TENM3: variants seen among roughly 807,000 people sequenced by gnomAD.
TENM3 encodes the protein teneurin-3.
Under a neutral mutation model 255.1 loss-of-function variants are expected in TENM3, and 63 were observed. That is an observed-to-expected ratio of 0.25 (90% CI 0.20 to 0.30). The LOEUF (loss-of-function observed/expected upper bound fraction) is 0.30. TENM3 is among the 10% of genes least tolerant of loss of function. The pLI is 1.00. For missense variants in TENM3, 2,929 were observed against 3,461.1 expected (o/e 0.85, Z 3.86); for synonymous variants, 1,306 against 1,322.3 (o/e 0.99, Z 0.27).
chr4:182,716,704 G>A (rs1017349840), intron 13 of TENM3, among the ~76,000 whole-genome samples: 2 of 152,192 alleles, frequency 1.3e-5, no homozygotes, highest in Non-Finnish European at 2.9e-5. Flanking sequence ...AATGAAGGAT[G>A]TCAATTATAT....
At chr4:182,399,036 T>C (rs547775766) in intron 3 of TENM3, among the ~76,000 whole-genome samples, 1 of 152,320 alleles carries the variant, frequency 6.6e-6, no homozygotes, top group South Asian at 2.1e-4. Flanking sequence ...TGGATAAGTC[T>C]GGGCTCTGTC....
chr4:181,518,614 A>G, the TENM3 span, among the ~76,000 whole-genome samples: 1 of 152,046 alleles, frequency 6.6e-6, no homozygotes, highest in Non-Finnish European at 1.5e-5. Flanking sequence ...TTTTTAGTAG[A>G]GACAGAGTTT....
In TENM3 at chr4:182,396,893, G is replaced by A. The variant is rs140198071; in HGVS notation, c.511+49964G>A. 7.9e-5 allele frequency among the ~76,000 whole-genome samples: 12 copies of A among 151,766 alleles called. No homozygotes were observed. The East Asian group carries it at 2.4e-3, about 30-fold the overall frequency. On this transcript the variant is annotated intron_variant, in intron 3 of 27. Coordinates refer to ENST00000511685, the MANE Select transcript of TENM3 (RefSeq NM_001080477.4). ...AGGAGAATTGCTTGTACGCGAGAGT[G>A]GGAGGTTGCAGTGAGCTGAAATCGC... is the stretch of plus-strand genomic sequence containing the variant.
At chr4:181,856,242 A>G in the TENM3 span, among the ~76,000 whole-genome samples, 1 of 151,892 alleles carries the variant, frequency 6.6e-6, no homozygotes, top group Non-Finnish European at 1.5e-5. Flanking sequence ...CCCTACCTCA[A>G]TGTTCTCCTT....
intron 3 of TENM3, among the ~76,000 whole-genome samples, chr4:182,542,687 G>A (rs920010626): frequency 1.3e-5 from 2 of 152,104 alleles, no homozygotes; most frequent in Non-Finnish European, 2.9e-5. Context: ...TCATGATGAA[G>A]CTCGAGGTCA....
At chr4:182,614,532 A>G (rs1286877959) in intron 4 of TENM3, among the ~76,000 whole-genome samples, 1 of 152,170 alleles carries the variant, frequency 6.6e-6, no homozygotes, top group Admixed American at 6.5e-5. Flanking sequence ...GTGTCTTTTT[A>G]ATCAAGCCTT....
intron 1 of TENM3, among the ~76,000 whole-genome samples, chr4:182,268,467 G>GA (rs1759389484): frequency 6.6e-6 from 1 of 152,098 alleles, no homozygotes; most frequent in African/African-American, 2.4e-5. Context: ...AGGGAGGGGG[G>GA]AAATGTGTCA....
the TENM3 span, among the ~76,000 whole-genome samples, chr4:181,570,451 T>C: frequency 6.6e-6 from 1 of 151,038 alleles, no homozygotes; most frequent in African/African-American, 2.4e-5. Flanking sequence ...CAATGAACCA[T>C]GATCACACCA....
chr4:182,517,750 GT>G (rs1314017759), intron 3 of TENM3, among the ~76,000 whole-genome samples: 5 of 152,164 alleles, frequency 3.3e-5, no homozygotes, highest in African/African-American at 1.2e-4. Flanking sequence ...AGAGATTGAA[GT>G]TTAGCCAATT....
intron 3 of TENM3, among the ~76,000 whole-genome samples, chr4:182,573,840 T>G (rs533806415): frequency 2.0e-5 from 3 of 152,290 alleles, no homozygotes; most frequent in African/African-American, 7.2e-5. Context: ...AGATTCATAT[T>G]TCACACATCA....
the TENM3 span, among the ~76,000 whole-genome samples, chr4:181,644,711 T>C: frequency 6.6e-6 from 1 of 151,798 alleles, no homozygotes; most frequent in Non-Finnish European, 1.5e-5. Flanking sequence ...TTCTGTTTTT[T>C]CTCTTTTATG....
the TENM3 span, among the ~76,000 whole-genome samples, chr4:181,593,906 G>A: frequency 2.0e-5 from 3 of 151,902 alleles, no homozygotes; most frequent in African/African-American, 4.8e-5. Context: ...TGCTGAATAA[G>A]CGTTAATTAT....
chr4:181,471,496 A>G, the TENM3 span, among the ~76,000 whole-genome samples: 3 of 152,172 alleles, frequency 2.0e-5, no homozygotes, highest in Admixed American at 6.5e-5. Flanking sequence ...TGGGTATTTA[A>G]ATGCAGGCAT....
rs1435203810 is a variant in TENM3 at position 182,793,591 on chromosome 4, A to G, written c.6919A>G (p.Ser2307Gly). The change falls in exon 26 of 28, where the codon AGT becomes GGT. Residue 2307 changes from serine to glycine, a missense_variant. By Grantham distance (56) the Ser-to-Gly change is moderately conservative (BLOSUM62 0). Coordinates refer to ENST00000511685, the MANE Select transcript of TENM3 (RefSeq NM_001080477.4). This position sits in a 1 kb window ranked among gnomAD's most constrained non-coding sequence, Gnocchi z 5.7. ...DNTGTPLAVF[S>G]SNGLMLKQIQ... ...CACAGGGACACCACTGGCTGTGTTCAGTAGCAATGGGCTTATGCTGAAACA... is the reference window on the plus strand; with the variant it reads ...CACAGGGACACCACTGGCTGTGTTCGGTAGCAATGGGCTTATGCTGAAACA... 6 of 1,613,866 alleles carry G rather than the reference A, an allele frequency of 3.7e-6. No individual in the cohort carries two copies. Among genetic ancestry groups the G allele is most frequent in the Non-Finnish European group, 5.1e-6 (6 of 1,179,860 alleles).
intron 1 of TENM3, among the ~76,000 whole-genome samples, chr4:182,235,642 C>G (rs1205442173): frequency 4.6e-5 from 7 of 152,198 alleles, no homozygotes; most frequent in African/African-American, 1.7e-4. Context: ...CTCTCACAAG[C>G]TGGAACTACT....
At chr4:182,587,032 T>C (rs1746090027) in intron 3 of TENM3, among the ~76,000 whole-genome samples, 1 of 152,202 alleles carries the variant, frequency 6.6e-6, no homozygotes, top group Non-Finnish European at 1.5e-5. Flanking sequence ...TTGCTAAAAA[T>C]AATTTTTAAA....
chr4:182,376,170 T>C (rs1489447701), intron 3 of TENM3, among the ~76,000 whole-genome samples: 2 of 152,228 alleles, frequency 1.3e-5, no homozygotes, highest in East Asian at 3.9e-4. Context: ...CGCTGTCATT[T>C]GGCACGCTTT....
At chr4:181,723,201 G>A in the TENM3 span, among the ~76,000 whole-genome samples, 1 of 151,586 alleles carries the variant, frequency 6.6e-6, no homozygotes, top group East Asian at 1.9e-4. Context: ...GTACAATGAT[G>A]TTGGGTATGC....
the TENM3 span, among the ~76,000 whole-genome samples, chr4:181,837,150 CTA>C: frequency 1.3e-5 from 2 of 151,938 alleles, no homozygotes; most frequent in Non-Finnish European, 2.9e-5. Context: ...GACATGTAGA[CTA>C]TCATATCATT....
Sources: gnomAD v4.1 joint callset for allele counts (sites outside exome capture counted in the v4.1 genomes callset) on GRCh38, gnomAD v4.1.1 for gene constraint, Gnocchi (gnomAD v3.1) non-coding constraint, MANE v1.5 for transcripts, NCBI Gene and HGNC (gene_info 2026-07-23, HGNC 2026-07-21) for gene names.